The following DOCK4 variants were observed in gnomAD, a reference collection of about 807,000 sequenced individuals.
DOCK4 encodes the protein dedicator of cytokinesis protein 4.
DOCK4 carries 97 observed loss-of-function variants against 268.1 expected under a neutral mutation model. The observed-to-expected ratio is 0.36, with a 90% confidence interval of 0.31 to 0.43. DOCK4 has a LOEUF of 0.43. Among genes scored for constraint, DOCK4 ranks in the 20% least tolerant of loss-of-function variants. The pLI, the probability that DOCK4 is intolerant of heterozygous loss-of-function variation, is 1.00. For missense variants in DOCK4, 2,145 were observed against 2,455.7 expected, an observed-to-expected ratio of 0.87 and a Z score of 2.67; for synonymous variants, 954 against 887.2, an observed-to-expected ratio of 1.08 and a Z score of -1.34.
At chr7:111,802,670 A>G (rs754533684) in intron 30 of DOCK4, among the ~76,000 whole-genome samples, 8 of 152,150 alleles carry the variant, frequency 5.3e-5, no homozygotes, top group Non-Finnish European at 1.2e-4. Flanking sequence ...TTGCTTGAGT[A>G]CTTTTGAATC....
At chr7:111,800,334 T>C (rs952662544) in intron 30 of DOCK4, among the ~76,000 whole-genome samples, 1 of 152,074 alleles carries the variant, frequency 6.6e-6, no homozygotes, top group Admixed American at 6.5e-5. Context: ...AAAAAATTAA[T>C]AAATTGTCAA....
intron 1 of DOCK4, among the ~76,000 whole-genome samples, chr7:112,146,851 G>A (rs1457160312): frequency 1.3e-5 from 2 of 152,090 alleles, no homozygotes; most frequent in African/African-American, 4.8e-5. Context: ...TAATTTAGAC[G>A]AGTGTAACAG....
At chr7:111,757,719 C>A (rs1016706494) in intron 41 of DOCK4, among the ~76,000 whole-genome samples, 12 of 152,110 alleles carry the variant, frequency 7.9e-5, no homozygotes, top group African/African-American at 2.7e-4. Flanking sequence ...TCGGGGAGTA[C>A]TGGGAACTGA....
chr7:112,093,271 C>A (rs952018281), intron 1 of DOCK4, among the ~76,000 whole-genome samples: 5 of 152,158 alleles, frequency 3.3e-5, no homozygotes, highest in African/African-American at 9.7e-5. Context: ...CACATTCCCA[C>A]CTCCCATTCC....
At chr7:111,948,315 G>A (rs1795784554) in intron 8 of DOCK4, among the ~76,000 whole-genome samples, 1 of 152,142 alleles carries the variant, frequency 6.6e-6, no homozygotes, top group Admixed American at 6.5e-5. Flanking sequence ...TCTATTCCAT[G>A]TATTAATTCA....
In DOCK4 at chr7:111,767,024, C is replaced by T. The variant is rs1797802091; in HGVS notation, c.3915+8G>A. ...ATGGCCTGATCAGGATGCATCCAGG[C>T]ACCTTACCCGCATCTTGCTCAGGTT... On this transcript the variant is annotated splice_region_variant and intron_variant, in intron 38 of 52. Transcript: ENST00000428084. The T allele has an allele frequency of 1.2e-6, 2 of 1,610,708 alleles. No individual in the cohort carries two copies. Among genetic ancestry groups the T allele is most frequent in the Admixed American group, 1.7e-5 (1 of 59,984 alleles).
At position 112,087,005 on chromosome 7, in the gene DOCK4, A is replaced by G. The variant is rs558614918; in HGVS notation, c.38-82874T>C. Among the ~76,000 whole-genome samples, 147 of 152,248 alleles carry G rather than the reference A, an allele frequency of 9.7e-4. 1 individual carries two copies. The highest frequency in any genetic ancestry group is 3.3e-3 in the African/African-American group (137 of 41,576). On this transcript the variant is annotated intron_variant, in intron 1 of 52. Transcript: ENST00000428084. The stretch of plus-strand genomic sequence containing the variant: ...GCATGCTGAACCCTGGGTAAGAAGG[A>G]AGAAAAGACAGAAAAACTGAGATAA...
intron 30 of DOCK4, among the ~76,000 whole-genome samples, chr7:111,795,936 G>GT (rs1799864467): frequency 6.6e-6 from 1 of 152,182 alleles, no homozygotes; most frequent in Non-Finnish European, 1.5e-5. Context: ...CTCAACCACA[G>GT]TCTGTGATGC....
At chr7:112,165,523 CGTGTGTGTGTGTGTGTGTGTGTGTGT>C (rs112020512) in intron 1 of DOCK4, among the ~76,000 whole-genome samples, 2 of 126,472 alleles carry the variant, frequency 1.6e-5, no homozygotes, top group Admixed American at 1.6e-4. Flanking sequence ...GAATAGTATA[CGTGTGTGTGTGTGTGTGTGTGTGTGT>C]GTGTGTGTGT....
intron 1 of DOCK4, among the ~76,000 whole-genome samples, chr7:112,152,279 C>T (rs1437036263): frequency 2.0e-5 from 3 of 152,182 alleles, no homozygotes; most frequent in African/African-American, 7.2e-5. Context: ...AAGCAACAAA[C>T]AGTTTCAGCA....
At chr7:112,039,380 G>A (rs60589023) in intron 1 of DOCK4, among the ~76,000 whole-genome samples, 3,202 of 141,372 alleles carry the variant, frequency 0.023, 124 homozygotes, top group African/African-American at 0.077. Context: ...ATATGGGGGG[G>A]GGGGCTTAAA....
At chr7:112,046,292 AAAG>A (rs1804817693) in intron 1 of DOCK4, among the ~76,000 whole-genome samples, 1 of 152,234 alleles carries the variant, frequency 6.6e-6, no homozygotes, top group Non-Finnish European at 1.5e-5. Flanking sequence ...GGAATTCTCA[AAAG>A]AAAGCATTCT....
chr7:111,739,615 C>T, intron 47 of DOCK4, 138 bp from the exon 48 acceptor site: 1 of 694,770 alleles, frequency 1.4e-6, no homozygotes. Flanking sequence ...ATCTTAATAA[C>T]TTAGATTGAC....
chr7:111,998,611 G>A (rs771698624), intron 3 of DOCK4, 108 bp from the exon 4 acceptor site: 228 of 683,700 alleles, frequency 3.3e-4, no homozygotes, highest in Non-Finnish European at 4.9e-4. Flanking sequence ...ATCAGGAATA[G>A]GGAAAAGCAA....
intron 35 of DOCK4, among the ~76,000 whole-genome samples, chr7:111,779,743 C>T (rs182714235): frequency 4.3e-4 from 65 of 152,258 alleles, no homozygotes; most frequent in South Asian, 1.2e-3. Flanking sequence ...TCCAAAGCTA[C>T]TTCTTCACCA....
intron 23 of DOCK4, among the ~76,000 whole-genome samples, chr7:111,862,406 T>TA (rs146325985): frequency 0.33 from 49,332 of 150,834 alleles, 8,202 homozygotes; most frequent in African/African-American, 0.36. Flanking sequence ...AGAAAATATG[T>TA]AAAAAATTGT....
chr7:112,141,838 C>T (rs903345894), intron 1 of DOCK4, among the ~76,000 whole-genome samples: 1 of 152,164 alleles, frequency 6.6e-6, no homozygotes, highest in African/African-American at 2.4e-5. Context: ...CTACACTGAA[C>T]TGGGGACACT....
chr7:112,066,700 T>TAC (rs1807063985), intron 1 of DOCK4, among the ~76,000 whole-genome samples: 1 of 36,274 alleles, frequency 2.8e-5, no homozygotes, highest in Admixed American at 1.9e-4. Flanking sequence ...CATATATATA[T>TAC]ATATATATAT....
At chr7:112,155,601 A>G (rs1346782556) in intron 1 of DOCK4, among the ~76,000 whole-genome samples, 1 of 152,206 alleles carries the variant, frequency 6.6e-6, no homozygotes, top group Non-Finnish European at 1.5e-5. Flanking sequence ...TTCTGCTGCA[A>G]TCACCACCCA....
Sources: gnomAD v4.1 joint callset for allele counts (sites outside exome capture counted in the v4.1 genomes callset) on GRCh38, gnomAD v4.1.1 for gene constraint, MANE v1.5 for transcripts, NCBI Gene and HGNC (gene_info 2026-07-23, HGNC 2026-07-21) for gene names.